The following BBS7 variants were observed in gnomAD, a reference collection of about 807,000 sequenced individuals.
BBS7 encodes BBSome complex member BBS7.
In BBS7, 50 loss-of-function variants were observed where a neutral mutation model predicts 90.3. The ratio of observed to expected loss-of-function variants is 0.55; its 90% confidence interval spans 0.44 to 0.70. The LOEUF is 0.70. Among genes scored for constraint, BBS7 ranks in the 30% least tolerant of loss-of-function variants. The probability of loss-of-function intolerance (pLI) is 0.00; values close to 1 mark genes in which losing one functional copy is unlikely to be tolerated. For missense variants in BBS7, 729 were observed against 838.9 expected (o/e 0.87, Z 1.62); for synonymous variants, 235 against 287.4 (o/e 0.82, Z 1.85).
At position 121,854,739 on chromosome 4, in the gene BBS7, C is replaced by A. The variant is rs369866009; in HGVS notation, c.683G>T (p.Arg228Leu). ...LIQITTSKPVRKWEIQNEKKR... is the reference protein window; with the variant it reads ...LIQITTSKPVLKWEIQNEKKR... ...TTTCTCATTTTGAATTTCCCACTTG[C>A]GTACTGGTTTGGATGTAGTAATCTG... Residue 228 changes from arginine to leucine, a missense_variant, in exon 7 of 19, where the codon CGC (arginine) becomes CTC (leucine). By Grantham distance (102) the Arg-to-Leu change is moderately radical. Coordinates refer to ENST00000264499, the MANE Select transcript of BBS7 (RefSeq NM_176824.3). 1.2e-6 allele frequency: 2 copies of A among 1,612,166 alleles called. No individual in the cohort carries two copies.
In BBS7 at chr4:121,870,466, G is replaced by C; in HGVS notation, c.-153C>G. The C allele has an allele frequency of 1.3e-6, 1 of 787,976 alleles. No homozygotes were observed. Among genetic ancestry groups the C allele is most frequent in the Non-Finnish European group, 2.2e-6 (1 of 461,096 alleles). 48.8% of individuals were successfully genotyped at this position (787,976 alleles called of 1,614,324 possible). On this transcript the variant is annotated 5_prime_UTR_variant, in exon 1 of 19. Transcript: ENST00000264499. The stretch of plus-strand genomic sequence containing the variant: ...CCTAGGTCCTGGGCTGCACAGGCGG[G>C]GCGACAGGGCAGTGGCGTCCTGCGT...
At chr4:121,845,402 A>T (rs977935276) in intron 11 of BBS7, 102 bp downstream of exon 11, 4 of 655,456 alleles carry the variant, frequency 6.1e-6, no homozygotes, top group Middle Eastern at 4.4e-4. Flanking sequence ...ATAAAATAAA[A>T]TTACTGTCTA....
chr4:121,859,810 A>G (rs1453146346), intron 4 of BBS7, among the ~76,000 whole-genome samples: 1 of 152,120 alleles, frequency 6.6e-6, no homozygotes, highest in Non-Finnish European at 1.5e-5. Flanking sequence ...GAAAAAAGAA[A>G]TGAAAACAAG....
chr4:121,845,036 A>G (rs1015766382), intron 11 of BBS7, among the ~76,000 whole-genome samples: 49 of 152,170 alleles, frequency 3.2e-4, no homozygotes, highest in African/African-American at 1.1e-3. Context: ...GAGCAAACCA[A>G]TTATCTAAAG....
intron 15 of BBS7, among the ~76,000 whole-genome samples, chr4:121,832,160 T>C (rs1369654416): frequency 2.0e-5 from 3 of 151,776 alleles, no homozygotes; most frequent in African/African-American, 4.8e-5. Context: ...TTGACCAACA[T>C]GGTGAAACCC....
At chr4:121,831,835 G>T (rs1040559906) in intron 15 of BBS7, among the ~76,000 whole-genome samples, 3 of 152,048 alleles carry the variant, frequency 2.0e-5, no homozygotes, top group African/African-American at 7.2e-5. Flanking sequence ...AATAACAAGA[G>T]AAGCAAGAGG....
chr4:121,824,799 A>G lies in BBS7; in HGVS notation c.*1061T>C, dbSNP rs936739860. Reference sequence around the variant, plus strand: ...TTTATATTTATATATAAATATAAGAATATACAAAGCTTGCACATAACTAAT... The same window carrying G: ...TTTATATTTATATATAAATATAAGAGTATACAAAGCTTGCACATAACTAAT... On this transcript the variant is annotated 3_prime_UTR_variant, in exon 19 of 19. Transcript: ENST00000264499. The surrounding 1 kb of genome is among the most constrained non-coding windows in gnomAD (Gnocchi z 4.1). The G allele has an allele frequency of 6.6e-6, 1 of 151,832 alleles. No homozygotes were observed. Among genetic ancestry groups the G allele is most frequent in the South Asian group, 2.1e-4 (1 of 4,836 alleles). The allele number at this position is 151,832 out of a possible 1,614,324, so 9.4% of individuals were successfully genotyped here. A position where few individuals can be genotyped will look rare whatever the true frequency, so the allele number is the denominator to read the frequency against.
At chr4:121,868,160 G>A in intron 1 of BBS7, 114 bp from the exon 2 acceptor site, 1 of 823,946 alleles carries the variant, frequency 1.2e-6, no homozygotes, top group Non-Finnish European at 2.1e-6. Context: ...ACTATTATCA[G>A]TAATTAATTT....
At chr4:121,863,179 T>C in intron 3 of BBS7, 38 bp downstream of exon 3, 2 of 1,598,128 alleles carry the variant, frequency 1.3e-6, no homozygotes, top group Non-Finnish European at 1.7e-6. Context: ...CATTCTCTTT[T>C]AGAAAACCAT....
chr4:121,856,744 G>T, intron 5 of BBS7, among the ~76,000 whole-genome samples: 1 of 151,364 alleles, frequency 6.6e-6, no homozygotes, highest in Admixed American at 6.6e-5. Context: ...CAAAATTATA[G>T]TTAATATGGT....
chr4:121,829,862 A>G (rs1725097444), intron 15 of BBS7, among the ~76,000 whole-genome samples: 1 of 152,208 alleles, frequency 6.6e-6, no homozygotes, highest in East Asian at 1.9e-4. Context: ...TGAACAAGGG[A>G]TAAAATCTTG....
chr4:121,848,758 A>G, intron 9 of BBS7, 86 bp downstream of exon 9: 3 of 1,123,144 alleles, frequency 2.7e-6, no homozygotes, highest in Non-Finnish European at 4.0e-6. Context: ...ACTGTTTTTT[A>G]AAAAGAGTCA....
chr4:121,865,341 C>T (rs927383205), intron 2 of BBS7, among the ~76,000 whole-genome samples: 2 of 151,648 alleles, frequency 1.3e-5, no homozygotes, highest in African/African-American at 4.8e-5. Context: ...TGGGTTCAAG[C>T]GATTCTCCCA....
Position 121,843,824 on chromosome 4 carries a change from A to G in BBS7, c.1305+103T>C. 3.7e-6 allele frequency: 3 copies of G among 803,668 alleles called. No homozygotes were observed. In the South Asian group the frequency reaches 4.7e-5, roughly 13 times the overall value. The allele number at this position is 803,668 out of a possible 1,614,324, so 49.8% of individuals were successfully genotyped here. A position where few individuals can be genotyped will look rare whatever the true frequency, so the allele number is the denominator to read the frequency against. On this transcript the variant is annotated intron_variant, in intron 12 of 18. Coordinates refer to ENST00000264499, the MANE Select transcript of BBS7 (RefSeq NM_176824.3). ...TGAAGGAAAGGTTACATAAGAAATA[A>G]TTGAAAAAGAAACATCAAAACCTAG...
intron 3 of BBS7, among the ~76,000 whole-genome samples, chr4:121,862,127 G>A (rs1727015251): frequency 6.6e-6 from 1 of 152,120 alleles, no homozygotes; most frequent in Non-Finnish European, 1.5e-5. Context: ...CAATGAACAT[G>A]TTTTTACACT....
At chr4:121,868,865 G>A (rs1457918155) in intron 1 of BBS7, among the ~76,000 whole-genome samples, 3 of 152,078 alleles carry the variant, frequency 2.0e-5, no homozygotes, top group Non-Finnish European at 4.4e-5. Flanking sequence ...TGGGACCAAT[G>A]GGAGAGGAAT....
At chr4:121,827,439 T>C (rs1412200192) in intron 18 of BBS7, among the ~76,000 whole-genome samples, 1 of 152,182 alleles carries the variant, frequency 6.6e-6, no homozygotes, top group Non-Finnish European at 1.5e-5. Context: ...TTCCTTAGAC[T>C]CAGATTTCAG....
intron 15 of BBS7, among the ~76,000 whole-genome samples, chr4:121,830,200 G>C (rs1020553561): frequency 6.6e-6 from 1 of 152,134 alleles, no homozygotes; most frequent in Non-Finnish European, 1.5e-5. Context: ...TCAGGAGTTC[G>C]AGACTAACCT....
intron 14 of BBS7, among the ~76,000 whole-genome samples, chr4:121,834,515 G>A (rs2149055721): frequency 6.6e-6 from 1 of 152,254 alleles, no homozygotes; most frequent in South Asian, 2.1e-4. Context: ...TTATCAGCAA[G>A]TTACTTAACT....
Sources: allele counts gnomAD v4.1 joint callset (sites outside exome capture counted in the v4.1 genomes callset), GRCh38; gene constraint gnomAD v4.1.1; non-coding constraint Gnocchi (gnomAD v3.1); transcripts MANE v1.5; gene names NCBI Gene and HGNC (gene_info 2026-07-23, HGNC 2026-07-21).